CACNA2D3: variants seen among roughly 807,000 people sequenced by gnomAD.
CACNA2D3 encodes the protein calcium voltage-gated channel auxiliary subunit alpha2delta 3, also known as voltage-dependent calcium channel subunit alpha-2/delta-3.
In CACNA2D3, 60 loss-of-function variants were observed where a neutral mutation model predicts 160.6. The ratio of observed to expected loss-of-function variants is 0.37; its 90% CI spans 0.30 to 0.46. The LOEUF is 0.46. Among genes scored for constraint, CACNA2D3 ranks in the 20% least tolerant of loss-of-function variants. The pLI, the probability that CACNA2D3 is intolerant of heterozygous loss-of-function variation, is 1.00. For synonymous variants in CACNA2D3, 558 were observed against 492.9 expected, an observed-to-expected ratio of 1.13 and a Z score of -1.75; for missense variants, 1,205 against 1,365.0, an observed-to-expected ratio of 0.88 and a Z score of 1.85.
At chr3:54,551,606 G>A (rs1200845575) in intron 5 of CACNA2D3, among the ~76,000 whole-genome samples, 1 of 152,080 alleles carries the variant, frequency 6.6e-6, no homozygotes, top group Non-Finnish European at 1.5e-5. Context: ...AGGGGTCCTG[G>A]GCCAGATCAG....
intron 2 of CACNA2D3, among the ~76,000 whole-genome samples, chr3:54,256,511 T>C (rs1055916788): frequency 2.0e-5 from 3 of 152,158 alleles, no homozygotes; most frequent in African/African-American, 7.2e-5. Context: ...TATAAATCAA[T>C]AGGCATTTGA....
chr3:54,139,227 A>G (rs576819840), intron 2 of CACNA2D3, among the ~76,000 whole-genome samples: 45 of 152,000 alleles, frequency 3.0e-4, no homozygotes, highest in Non-Finnish European at 5.7e-4. Flanking sequence ...TCTTCTTTTC[A>G]CTTTGTCCCA....
At position 54,763,790 on chromosome 3, in the gene CACNA2D3, T is replaced by C. The variant is rs1231133679; in HGVS notation, c.1247-428T>C. On this transcript the variant is annotated intron_variant, in intron 12 of 37. Coordinates refer to ENST00000474759, the MANE Select transcript of CACNA2D3 (RefSeq NM_018398.3). ...ATATGTATATATGTACATATATATG[T>C]ATATATATGTACATATATATACATA... Among the ~76,000 whole-genome samples the C allele has an allele frequency of 5.8e-4, 22 of 37,628 alleles. 2 individuals are homozygous for C. The highest frequency in any genetic ancestry group is 1.4e-3 in the African/African-American group (15 of 10,518). 24.7% of individuals were successfully genotyped at this position (37,628 alleles called of 152,430 possible).
chr3:54,660,113 G>T (rs573089675), intron 11 of CACNA2D3, among the ~76,000 whole-genome samples: 9 of 151,244 alleles, frequency 6.0e-5, no homozygotes, highest in African/African-American at 2.2e-4. Context: ...CATGTCATTG[G>T]GTCCTCATCA....
chr3:54,837,277 T>G (rs754159538), intron 15 of CACNA2D3, 47 bp downstream of exon 15: 7 of 1,470,726 alleles, frequency 4.8e-6, no homozygotes, highest in Admixed American at 1.7e-5. Context: ...GAGGGTGGTT[T>G]TCTCAGACCC....
chr3:54,565,497 G>T (rs1217342198), intron 6 of CACNA2D3, among the ~76,000 whole-genome samples: 2 of 152,172 alleles, frequency 1.3e-5, no homozygotes, highest in Non-Finnish European at 2.9e-5. Context: ...AGGGCATGTG[G>T]TAACTCTCTT....
At chr3:54,321,642 A>T (rs1703998505) in intron 3 of CACNA2D3, among the ~76,000 whole-genome samples, 1 of 152,132 alleles carries the variant, frequency 6.6e-6, no homozygotes, top group African/African-American at 2.4e-5. Flanking sequence ...GACTGAGAGG[A>T]GGAAGTTGAG....
At chr3:54,714,410 G>C (rs1701011693) in intron 11 of CACNA2D3, among the ~76,000 whole-genome samples, 1 of 152,162 alleles carries the variant, frequency 6.6e-6, no homozygotes, top group Admixed American at 6.5e-5. Context: ...GTCTTAACAG[G>C]ATGTTTTACT....
At chr3:54,614,146 G>A (rs991445264) in intron 9 of CACNA2D3, among the ~76,000 whole-genome samples, 2 of 152,214 alleles carry the variant, frequency 1.3e-5, no homozygotes, top group African/African-American at 2.4e-5. Flanking sequence ...GGGATAAAAT[G>A]TGTACCATGA....
chr3:55,074,096 C>T lies in CACNA2D3; in HGVS notation c.3184-18C>T, dbSNP rs746103795. The T allele has an allele frequency of 1.9e-6, 3 of 1,605,924 alleles. No homozygotes were observed. The East Asian group carries it at 6.7e-5, about 36-fold the overall frequency. ...TGGAGTCTATTTCCGTCTAACCAACCCCTGCCTTTCCCCATAGGAGAATGC... is the reference window on the plus strand; with the variant it reads ...TGGAGTCTATTTCCGTCTAACCAACTCCTGCCTTTCCCCATAGGAGAATGC... On this transcript the variant is annotated intron_variant, in intron 37 of 37. Coordinates refer to ENST00000474759, the MANE Select transcript of CACNA2D3 (RefSeq NM_018398.3).
At chr3:54,462,354 T>C (rs1700522697) in intron 4 of CACNA2D3, among the ~76,000 whole-genome samples, 1 of 152,230 alleles carries the variant, frequency 6.6e-6, no homozygotes, top group South Asian at 2.1e-4. Flanking sequence ...CTCGCTGATC[T>C]GTCTAATGTT....
At chr3:54,801,937 A>G (rs892824019) in intron 13 of CACNA2D3, among the ~76,000 whole-genome samples, 1 of 152,224 alleles carries the variant, frequency 6.6e-6, no homozygotes, top group African/African-American at 2.4e-5. Context: ...ATACCATTTT[A>G]CCCATAAGTC....
chr3:54,146,665 CATG>C (rs1285120880), intron 2 of CACNA2D3, among the ~76,000 whole-genome samples: 1 of 152,218 alleles, frequency 6.6e-6, no homozygotes, highest in Non-Finnish European at 1.5e-5. Flanking sequence ...CAGCAGGGCC[CATG>C]GAAGCTACAA....
chr3:54,711,412 C>G (rs879692803), intron 11 of CACNA2D3, among the ~76,000 whole-genome samples: 2 of 152,202 alleles, frequency 1.3e-5, no homozygotes, highest in African/African-American at 2.4e-5. Context: ...TACTCTCTGC[C>G]ATTCTTAACA....
At chr3:54,784,553 A>G (rs766169579) in intron 13 of CACNA2D3, among the ~76,000 whole-genome samples, 9 of 152,164 alleles carry the variant, frequency 5.9e-5, no homozygotes, top group Non-Finnish European at 1.0e-4. Context: ...ATTATTTGCA[A>G]ATGTTCACCT....
intron 2 of CACNA2D3, among the ~76,000 whole-genome samples, chr3:54,134,220 C>T (rs948214086): frequency 1.3e-5 from 2 of 152,104 alleles, no homozygotes; most frequent in African/African-American, 2.4e-5. Context: ...TCTGTGCCTT[C>T]GGCAGGTCTG....
At position 54,944,235 on chromosome 3, in the gene CACNA2D3, T is replaced by C. The variant is rs540275342; in HGVS notation, c.2450-24215T>C. On this transcript the variant is annotated intron_variant, in intron 27 of 37. Coordinates refer to ENST00000474759, the MANE Select transcript of CACNA2D3 (RefSeq NM_018398.3). Reference sequence around the variant, plus strand: ...TTGTGCTGAGGACCTGCGAACTCTTTTGCTTTAGAAATGCATATCCTTCAG... The same window carrying C: ...TTGTGCTGAGGACCTGCGAACTCTTCTGCTTTAGAAATGCATATCCTTCAG... 4.9e-4 allele frequency among the ~76,000 whole-genome samples: 75 copies of C among 152,142 alleles called. 1 individual carries two copies. The highest frequency in any genetic ancestry group is 8.2e-4 in the Non-Finnish European group (56 of 68,032).
chr3:54,616,944 T>C (rs1043373385), intron 9 of CACNA2D3, among the ~76,000 whole-genome samples: 4 of 152,052 alleles, frequency 2.6e-5, no homozygotes, highest in Admixed American at 2.6e-4. Flanking sequence ...ATGGTAGCAG[T>C]CTCTTCTCTT....
rs1005468702 is a variant in CACNA2D3 at position 54,309,076 on chromosome 3, G to A, written c.205-11366G>A. ...TAATTATTGTTTTGGCTGTGGGGTT[G>A]TGAGGATGTATGTATAGCGTAAATA... On this transcript the variant is annotated intron_variant, in intron 2 of 37. Coordinates refer to ENST00000474759, the MANE Select transcript of CACNA2D3 (RefSeq NM_018398.3). Among the ~76,000 whole-genome samples, 26 of 152,342 alleles carry A rather than the reference G, an allele frequency of 1.7e-4. 2 individuals carry two copies. The South Asian group carries it at 3.1e-3, about 18-fold the overall frequency.
Sources: allele counts gnomAD v4.1 joint callset (sites outside exome capture counted in the v4.1 genomes callset), GRCh38; gene constraint gnomAD v4.1.1; transcripts MANE v1.5; gene names NCBI Gene and HGNC (gene_info 2026-07-23, HGNC 2026-07-21).